KCNMA1: variants seen among roughly 807,000 people sequenced by gnomAD.
The protein encoded by KCNMA1 is potassium calcium-activated channel subfamily M alpha 1, also known as Calcium-activated potassium channel subunit alpha-1.
Under a neutral mutation model 140.0 loss-of-function variants are expected in KCNMA1, and 29 were observed. The observed-to-expected ratio is 0.21, with a 90% CI of 0.15 to 0.28. KCNMA1 has a LOEUF of 0.28. Ranked by LOEUF, KCNMA1 falls within the 10% of genes least tolerant of loss-of-function variation. The probability of loss-of-function intolerance (pLI) is 1.00; values close to 1 mark genes in which losing one functional copy is unlikely to be tolerated. For synonymous variants in KCNMA1, 612 were observed against 611.9 expected (o/e 1.00, Z 0.00); for missense variants, 880 against 1,602.2 (o/e 0.55, Z 7.70).
downstream of KCNMA1, chr10:76,874,067 A>C (rs1433150865): frequency 6.6e-6 from 1 of 151,228 alleles, no homozygotes; most frequent in Admixed American, 6.6e-5. Flanking sequence ...GAACCAAAAA[A>C]AAAACAACAA....
At chr10:77,389,748 A>G (rs999089096) in intron 2 of KCNMA1, among the ~76,000 whole-genome samples, 1 of 152,146 alleles carries the variant, frequency 6.6e-6, no homozygotes, top group Non-Finnish European at 1.5e-5. Flanking sequence ...CCCCCTGCCC[A>G]GTGCCTCAGG....
intron 1 of KCNMA1, among the ~76,000 whole-genome samples, chr10:77,538,220 A>G (rs56816832): frequency 0.17 from 25,361 of 151,784 alleles, 2,444 homozygotes; most frequent in Middle Eastern, 0.24. Flanking sequence ...TCATATTCAC[A>G]TACTCTACAC....
intron 2 of KCNMA1, among the ~76,000 whole-genome samples, chr10:77,332,778 T>A (rs963256319): frequency 1.3e-5 from 2 of 152,272 alleles, no homozygotes; most frequent in African/African-American, 4.8e-5. Context: ...ACCACAGAAG[T>A]ACACAGCTCT....
At chr10:76,891,472 A>G in intron 26 of KCNMA1, 53 bp downstream of exon 26, 1 of 1,441,832 alleles carries the variant, frequency 6.9e-7, no homozygotes, top group Middle Eastern at 1.9e-4. Context: ...GTTCTTCAGG[A>G]TCAAGCTTTT....
intron 5 of KCNMA1, among the ~76,000 whole-genome samples, chr10:77,155,069 G>T (rs2098467370): frequency 6.6e-6 from 1 of 152,194 alleles, no homozygotes; most frequent in Non-Finnish European, 1.5e-5. Context: ...AGCCTGGGGG[G>T]TGCAGGAGAA....
intron 2 of KCNMA1, among the ~76,000 whole-genome samples, chr10:77,396,436 T>C (rs2096059050): frequency 6.6e-6 from 1 of 152,134 alleles, no homozygotes; most frequent in Non-Finnish European, 1.5e-5. Flanking sequence ...ATAGGGCACC[T>C]AACAGAAGTG....
At chr10:77,620,250 C>T (rs1452190846) in intron 1 of KCNMA1, among the ~76,000 whole-genome samples, 1 of 152,148 alleles carries the variant, frequency 6.6e-6, no homozygotes, top group Admixed American at 6.5e-5. Context: ...GCCTCAGAGG[C>T]TGGGCCTGGC....
At chr10:77,200,387 G>T (rs1022158612) in intron 3 of KCNMA1, among the ~76,000 whole-genome samples, 1 of 152,008 alleles carries the variant, frequency 6.6e-6, no homozygotes, top group African/African-American at 2.4e-5. Context: ...AAATCCCCAC[G>T]GAAAAAAGTA....
At chr10:76,910,124 C>G in intron 24 of KCNMA1, 28 bp from the exon 25 acceptor site, 1 of 1,612,626 alleles carries the variant, frequency 6.2e-7, no homozygotes, top group Admixed American at 1.7e-5. Flanking sequence ...TAAGAATTAG[C>G]TCTGAAGACC....
intron 3 of KCNMA1, among the ~76,000 whole-genome samples, chr10:77,199,184 C>T (rs1386928388): frequency 6.6e-6 from 1 of 152,200 alleles, no homozygotes; most frequent in African/African-American, 2.4e-5. Flanking sequence ...AGTTGAATGA[C>T]ATCTTTTCAA....
At chr10:77,179,046 A>G (rs1372267469) in intron 5 of KCNMA1, among the ~76,000 whole-genome samples, 1 of 152,324 alleles carries the variant, frequency 6.6e-6, no homozygotes, top group East Asian at 1.9e-4. Flanking sequence ...GCTTTAAAAT[A>G]TGATGGGTAG....
In KCNMA1 at chr10:76,887,443, A is replaced by G; in HGVS notation, c.3534T>C (p.Phe1178=). 1.2e-6 allele frequency: 2 copies of G among 1,614,144 alleles called. No individual in the cohort carries two copies. The highest frequency in any genetic ancestry group is 1.7e-6 in the Non-Finnish European group (2 of 1,180,014). ...PTDLIFCLMQ[F]DHNAGQSRAS... ...CCCGGGACTGGCCGGCATTGTGGTC[A>G]AACTGCATTAAGCAGAAGATCAGGT... The change falls in exon 28 of 28, where the codon TTT becomes TTC. Residue 1178 remains phenylalanine, a synonymous_variant. Transcript: ENST00000286628.
intron 1 of KCNMA1, among the ~76,000 whole-genome samples, chr10:77,433,341 C>T (rs1236366335): frequency 2.0e-5 from 3 of 152,068 alleles, no homozygotes; most frequent in African/African-American, 4.8e-5. Flanking sequence ...TTAGTAGAGA[C>T]AGGGTTTCAC....
intron 1 of KCNMA1, among the ~76,000 whole-genome samples, chr10:77,438,849 G>A (rs2097318312): frequency 1.3e-5 from 2 of 152,078 alleles, no homozygotes; most frequent in Admixed American, 1.3e-4. Context: ...GGCCAAGACG[G>A]GTGGATCACC....
intron 5 of KCNMA1, among the ~76,000 whole-genome samples, chr10:77,144,766 A>G (rs2098256053): frequency 6.6e-6 from 1 of 152,134 alleles, no homozygotes; most frequent in Admixed American, 6.5e-5. Context: ...AGTGGGCAGT[A>G]TGGCATGAAA....
intron 1 of KCNMA1, among the ~76,000 whole-genome samples, chr10:77,457,799 GA>G (rs974869818): frequency 1.3e-5 from 2 of 152,178 alleles, no homozygotes; most frequent in African/African-American, 4.8e-5. Context: ...GGAAGGTCAA[GA>G]AGATGGAGGG....
intron 1 of KCNMA1, among the ~76,000 whole-genome samples, chr10:77,566,081 A>G (rs1249262915): frequency 6.8e-6 from 1 of 148,040 alleles, no homozygotes; most frequent in Non-Finnish European, 1.5e-5. Context: ...ATCAGGCAGC[A>G]GTGATAGGCA....
chr10:77,304,249 T>A (rs2077161046), intron 2 of KCNMA1: 1 of 152,224 alleles, frequency 6.6e-6, no homozygotes, highest in South Asian at 2.1e-4. Context: ...AATGACTGAA[T>A]GTTTTTAGCA....
Position 77,598,090 on chromosome 10 carries a change from G to C in KCNMA1, c.378+39175C>G, listed in dbSNP as rs371482631. Among the ~76,000 whole-genome samples, 220 of 152,260 alleles carry C rather than the reference G, an allele frequency of 1.4e-3. 10 individuals are homozygous for C. In the South Asian group the frequency reaches 0.043, roughly 30 times the overall value. On this transcript the variant is annotated intron_variant, in intron 1 of 27. Transcript: ENST00000286628. ...AGGTTCAAGTGATTCTCCTGCCTCAGCCTCCCCAGTAGCTGGATTACAGGT... is the reference window on the plus strand; with the variant it reads ...AGGTTCAAGTGATTCTCCTGCCTCACCCTCCCCAGTAGCTGGATTACAGGT...
Sources: gnomAD v4.1 joint callset for allele counts (sites outside exome capture counted in the v4.1 genomes callset) on GRCh38, gnomAD v4.1.1 for gene constraint, MANE v1.5 for transcripts, NCBI Gene and HGNC (gene_info 2026-07-23, HGNC 2026-07-21) for gene names.